TRAPPC8: variants seen among roughly 807,000 people sequenced by gnomAD.
TRAPPC8 encodes trafficking protein particle complex subunit 8.
TRAPPC8 carries 54 observed loss-of-function variants against 174.3 expected under a neutral mutation model. That is an observed-to-expected ratio of 0.31 (90% confidence interval 0.25 to 0.39). The LOEUF (loss-of-function observed/expected upper bound fraction) is 0.39, where lower values mean the gene tolerates loss of function less well. TRAPPC8 is among the 10% of genes least tolerant of loss of function. The probability of loss-of-function intolerance (pLI) is 1.00; values close to 1 mark genes in which losing one functional copy is unlikely to be tolerated. For missense variants in TRAPPC8, 1,531 were observed against 1,699.1 expected, an observed-to-expected ratio of 0.90 and a Z score of 1.74; for synonymous variants, 630 against 579.9, an observed-to-expected ratio of 1.09 and a Z score of -1.24.
intron 9 of TRAPPC8, among the ~76,000 whole-genome samples, chr18:31,907,075 T>C (rs1156668293): frequency 6.6e-6 from 1 of 152,200 alleles, no homozygotes; most frequent in African/African-American, 2.4e-5. Flanking sequence ...AAAGTACTAA[T>C]AAAGAAAGAA....
At position 31,839,383 on chromosome 18, in the gene TRAPPC8, C is replaced by T. The variant is rs1320663749; in HGVS notation, c.3912G>A (p.Glu1304=). The T allele has an allele frequency of 1.5e-5, 24 of 1,611,952 alleles. No individual in the cohort carries two copies. Among genetic ancestry groups the T allele is most frequent in the Non-Finnish European group, 2.0e-5 (23 of 1,179,108 alleles). Reference sequence around the variant, plus strand: ...TCGTTTTAATGAGACTAGAAAGCTGCTCTACTGATGGCCTTGAGGAAACTG... The same window carrying T: ...TCGTTTTAATGAGACTAGAAAGCTGTTCTACTGATGGCCTTGAGGAAACTG... The part of the protein sequence containing the change: ...NITVSSRPSV[E]QLSSLIKTSL... The change falls in exon 27 of 29, where the codon GAG becomes GAA. Residue 1304 remains glutamate, a synonymous_variant. Coordinates refer to ENST00000283351, the MANE Select transcript of TRAPPC8 (RefSeq NM_014939.5).
chr18:31,929,325 G>A (rs1340084547), intron 2 of TRAPPC8, among the ~76,000 whole-genome samples: 1 of 152,132 alleles, frequency 6.6e-6, no homozygotes, highest in Non-Finnish European at 1.5e-5. Flanking sequence ...AGGCCAGGGT[G>A]AGAGGATCAC....
Position 31,870,475 on chromosome 18 carries a change from C to A in TRAPPC8, c.2285G>T (p.Arg762Ile). Residue 762 changes from arginine to isoleucine, a missense_variant, in exon 16 of 29, where the codon AGA becomes ATA. Coordinates refer to ENST00000283351, the MANE Select transcript of TRAPPC8 (RefSeq NM_014939.5). The part of the protein sequence containing the change: ...EEPITVEVAF[R>I]NPLKVLLLLT... ...CAAAAGTAGAACTTTCAAAGGGTTTCTAAAAGCCACTTCCACTGTAATTGG... is the reference window on the plus strand; with the variant it reads ...CAAAAGTAGAACTTTCAAAGGGTTTATAAAAGCCACTTCCACTGTAATTGG... The A allele has an allele frequency of 6.2e-7, 1 of 1,611,746 alleles. No individual in the cohort carries two copies.
intron 12 of TRAPPC8, among the ~76,000 whole-genome samples, chr18:31,886,000 C>G (rs867419497): frequency 1.3e-5 from 2 of 150,540 alleles, no homozygotes; most frequent in Middle Eastern, 6.8e-3. Flanking sequence ...AGATTGTTTC[C>G]AAATTATTAT....
intron 26 of TRAPPC8, among the ~76,000 whole-genome samples, chr18:31,839,683 T>A (rs904721008): frequency 6.6e-6 from 1 of 152,212 alleles, no homozygotes; most frequent in Non-Finnish European, 1.5e-5. Context: ...TGTGTTGGAG[T>A]TAGACTTGAA....
chr18:31,931,316 C>G lies in TRAPPC8; in HGVS notation c.352+13G>C. On this transcript the variant is annotated intron_variant, in intron 2 of 28. Transcript: ENST00000283351. ...ATTTCACTCAAAAAATAACAATAAA[C>G]CTTGTTACATACCACTGATGTTAAG... is the stretch of plus-strand genomic sequence containing the variant. The G allele has an allele frequency of 6.6e-7, 1 of 1,510,752 alleles. No homozygotes were observed. Among genetic ancestry groups the G allele is most frequent in the South Asian group, 1.3e-5 (1 of 75,694 alleles). 93.6% of individuals were successfully genotyped at this position (1,510,752 alleles called of 1,614,324 possible). A position where few individuals can be genotyped will look rare whatever the true frequency, so the allele number is the denominator to read the frequency against.
chr18:31,875,873 T>C (rs1406442087), intron 12 of TRAPPC8, among the ~76,000 whole-genome samples: 3 of 152,130 alleles, frequency 2.0e-5, no homozygotes, highest in Non-Finnish European at 4.4e-5. Context: ...GTGGATTTCA[T>C]GAAAATAGAG....
chr18:31,911,738 T>A (rs550955993), intron 5 of TRAPPC8, among the ~76,000 whole-genome samples: 1 of 107,368 alleles, frequency 9.3e-6, no homozygotes, highest in Admixed American at 1.4e-4. Context: ...GCCTGGGCGA[T>A]AGAGTAAGAC....
intron 10 of TRAPPC8, 40 bp from the exon 11 acceptor site, chr18:31,897,931 T>C: frequency 6.5e-7 from 1 of 1,535,680 alleles, no homozygotes; most frequent in East Asian, 2.3e-5. Flanking sequence ...AGCACAATAA[T>C]ACCTTAGCAC....
intron 6 of TRAPPC8, 63 bp from the exon 7 acceptor site, chr18:31,909,073 C>T: frequency 1.4e-6 from 2 of 1,414,118 alleles, no homozygotes; most frequent in South Asian, 1.5e-5. Context: ...GCTAATACTA[C>T]CATACTGCTA....
intron 5 of TRAPPC8, among the ~76,000 whole-genome samples, chr18:31,912,714 A>G (rs1172321396): frequency 6.6e-6 from 1 of 152,136 alleles, no homozygotes; most frequent in Non-Finnish European, 1.5e-5. Context: ...GAGCATGTAG[A>G]TAATAAAGAA....
intron 16 of TRAPPC8, 78 bp downstream of exon 16, chr18:31,870,294 A>G: frequency 7.5e-7 from 1 of 1,324,866 alleles, no homozygotes; most frequent in Non-Finnish European, 1.0e-6. Flanking sequence ...CTCACTGAAC[A>G]GAGTACATTG....
chr18:31,859,111 CAA>C (rs2034191338), intron 19 of TRAPPC8, among the ~76,000 whole-genome samples: 1 of 151,698 alleles, frequency 6.6e-6, no homozygotes, highest in Non-Finnish European at 1.5e-5. Context: ...AACAAACAAA[CAA>C]ACAAAAAAAC....
chr18:31,892,821 T>G (rs2036011906), intron 11 of TRAPPC8, among the ~76,000 whole-genome samples: 1 of 152,024 alleles, frequency 6.6e-6, no homozygotes. Flanking sequence ...GCCAAAGCGT[T>G]CAAGACCAGC....
intron 12 of TRAPPC8, among the ~76,000 whole-genome samples, chr18:31,888,364 T>A (rs2035812200): frequency 6.6e-6 from 1 of 151,984 alleles, no homozygotes; most frequent in Non-Finnish European, 1.5e-5. Flanking sequence ...AGAAACCTCA[T>A]CTCTACTAAA....
chr18:31,942,460 C>T (rs1324847439), intron 1 of TRAPPC8, 148 bp downstream of exon 1: 20 of 1,103,622 alleles, frequency 1.8e-5, no homozygotes, highest in Non-Finnish European at 2.2e-5. Context: ...CCAGCCGCCC[C>T]CGGAGCACCG....
chr18:31,839,435 A>G lies in TRAPPC8; in HGVS notation c.3860T>C (p.Leu1287Ser). 6.2e-7 allele frequency: 1 copy of G among 1,603,416 alleles called. No homozygotes were observed. Among genetic ancestry groups the G allele is most frequent in the Non-Finnish European group, 8.5e-7 (1 of 1,176,578 alleles). Residue 1287 changes from leucine to serine, a missense_variant, in exon 27 of 29, where the codon TTG (leucine) becomes TCG (serine). Leu to Ser is a moderately radical substitution (Grantham distance 145, BLOSUM62 -2). Coordinates refer to ENST00000283351, the MANE Select transcript of TRAPPC8 (RefSeq NM_014939.5). ...QKQEPPEMEL[L>S]KFFRPENITV... is the part of the protein sequence containing the mutation. ...AATGTTTTCTGGCCTGAAAAATTTC[A>G]ATAGTTCCATTTCTGGTGGCTCCTG...
rs137967363 is a variant in TRAPPC8 at position 31,931,776 on chromosome 18, C to T, written c.158-253G>A. The stretch of plus-strand genomic sequence containing the variant: ...TCAGCTTTCCTACTGTAGGTCCTCT[C>T]CTTTCCTATGTTTGGAGTTGCCAGA... On this transcript the variant is annotated intron_variant, in intron 1 of 28. Transcript: ENST00000283351. Among the ~76,000 whole-genome samples the T allele has an allele frequency of 6.4e-3, 973 of 152,300 alleles. 4 individuals are homozygous for T. Among genetic ancestry groups the T allele is most frequent in the Middle Eastern group, 0.031 (9 of 294 alleles).
chr18:31,869,269 G>C (rs958780042), intron 16 of TRAPPC8, among the ~76,000 whole-genome samples: 2 of 151,960 alleles, frequency 1.3e-5, no homozygotes, highest in African/African-American at 4.8e-5. Flanking sequence ...GTTTTGAATA[G>C]GCAATTCACA....
Sources: allele counts gnomAD v4.1 joint callset (sites outside exome capture counted in the v4.1 genomes callset), GRCh38; gene constraint gnomAD v4.1.1; transcripts MANE v1.5; gene names NCBI Gene and HGNC (gene_info 2026-07-23, HGNC 2026-07-21).